RALYL: variants seen among roughly 807,000 people sequenced by gnomAD.
RALYL encodes the protein RNA-binding Raly-like protein.
In RALYL, 29 loss-of-function variants were observed where a neutral mutation model predicts 35.1. The observed-to-expected ratio is 0.83, with a 90% CI of 0.61 to 1.13. The LOEUF (loss-of-function observed/expected upper bound fraction) is 1.13. Ranked by LOEUF, RALYL falls within the 50% of genes most tolerant of loss-of-function variation. RALYL has a pLI of 0.00. For synonymous variants in RALYL, 120 were observed against 127.6 expected (o/e 0.94, Z 0.40); for missense variants, 359 against 360.4 (o/e 1.00, Z 0.03).
At chr8:84,512,503 T>C (rs993507918) in intron 1 of RALYL, among the ~76,000 whole-genome samples, 5 of 152,154 alleles carry the variant, frequency 3.3e-5, no homozygotes, top group South Asian at 2.1e-4. Flanking sequence ...CTGTTAATTG[T>C]TTCCTTTACT....
At chr8:84,809,666 G>T (rs931439157) in intron 4 of RALYL, among the ~76,000 whole-genome samples, 6 of 151,982 alleles carry the variant, frequency 3.9e-5, no homozygotes, top group South Asian at 4.1e-4. Context: ...CCTGCTTGTT[G>T]TTGGTCTGTT....
chr8:84,326,066 C>A (rs1054567385), intron 1 of RALYL, among the ~76,000 whole-genome samples: 2 of 152,106 alleles, frequency 1.3e-5, no homozygotes, highest in Non-Finnish European at 2.9e-5. Context: ...GAGCTGAGAT[C>A]CTGCCACTGT....
chr8:84,575,586 G>T (rs1051919461), intron 2 of RALYL, among the ~76,000 whole-genome samples: 1 of 152,170 alleles, frequency 6.6e-6, no homozygotes, highest in African/African-American at 2.4e-5. Flanking sequence ...ACACAGCAAA[G>T]GCTCATTCTT....
chr8:84,880,161 G>T (rs1841928481), intron 7 of RALYL, among the ~76,000 whole-genome samples: 1 of 152,038 alleles, frequency 6.6e-6, no homozygotes, highest in South Asian at 2.1e-4. Context: ...CTTATTCAAT[G>T]ATAACATGTC....
chr8:84,343,577 A>G (rs1849261986), intron 1 of RALYL, among the ~76,000 whole-genome samples: 1 of 152,042 alleles, frequency 6.6e-6, no homozygotes, highest in African/African-American at 2.4e-5. Context: ...TTTCAGGAAG[A>G]AGCACAGATA....
rs559520113 is a variant in RALYL, at chr8:84,604,877, A to G, written c.256+75300A>G. 5.3e-5 allele frequency among the ~76,000 whole-genome samples: 8 copies of G among 152,268 alleles called. No individual in the cohort carries two copies. The South Asian group carries it at 1.7e-3, about 32-fold the overall frequency. On this transcript the variant is annotated intron_variant, in intron 2 of 8. Transcript: ENST00000521268. ...AAACAGTTGAGTGCAACAAATGTAT[A>G]AAAGCAGAATGGTAAATCTTTGAAA...
intron 2 of RALYL, among the ~76,000 whole-genome samples, chr8:84,547,762 T>A (rs1243236802): frequency 6.6e-6 from 1 of 152,196 alleles, no homozygotes; most frequent in Non-Finnish European, 1.5e-5. Context: ...TGGGATAATA[T>A]GCCACAATTT....
chr8:84,269,795 G>A (rs1380195653), intron 1 of RALYL, among the ~76,000 whole-genome samples: 7 of 151,698 alleles, frequency 4.6e-5, no homozygotes, highest in African/African-American at 1.2e-4. Context: ...TAATATTGTG[G>A]ATCATAGGAA....
chr8:84,377,459 T>TTTGTTTGTTTGTTTGTTTG (rs1563816312), intron 1 of RALYL, among the ~76,000 whole-genome samples: 24 of 139,932 alleles, frequency 1.7e-4, no homozygotes, highest in African/African-American at 7.0e-4. Flanking sequence ...CTGTTTTTTT[T>TTTGTTTGTTTGTTTGTTTG]TTTTTTTTTT....
intron 8 of RALYL, among the ~76,000 whole-genome samples, chr8:84,888,974 T>C (rs2135437248): frequency 6.6e-6 from 1 of 152,272 alleles, no homozygotes; most frequent in East Asian, 1.9e-4. Flanking sequence ...GGTCTCAAAC[T>C]CCTGACCTCA....
intron 2 of RALYL, among the ~76,000 whole-genome samples, chr8:84,647,295 C>T (rs1458534661): frequency 1.3e-5 from 2 of 152,052 alleles, no homozygotes; most frequent in African/African-American, 2.4e-5. Context: ...GAGGTGTAAG[C>T]ATCTCTGGCA....
At chr8:84,839,127 C>G (rs1257871546) in intron 4 of RALYL, among the ~76,000 whole-genome samples, 1 of 152,158 alleles carries the variant, frequency 6.6e-6, no homozygotes, top group African/African-American at 2.4e-5. Flanking sequence ...GGGTGCAGGA[C>G]AGTGAGTGCA....
intron 2 of RALYL, among the ~76,000 whole-genome samples, chr8:84,700,580 C>T (rs1355901667): frequency 6.6e-6 from 1 of 152,040 alleles, no homozygotes; most frequent in Non-Finnish European, 1.5e-5. Context: ...GAACCAATAC[C>T]ACAAATGAAA....
intron 2 of RALYL, among the ~76,000 whole-genome samples, chr8:84,690,480 G>A (rs1564380763): frequency 6.6e-6 from 1 of 152,118 alleles, no homozygotes. Context: ...GCTATAGCTA[G>A]TGCTGGGAGA....
intron 1 of RALYL, among the ~76,000 whole-genome samples, chr8:84,277,648 G>A (rs1835680918): frequency 6.6e-6 from 1 of 152,200 alleles, no homozygotes; most frequent in Admixed American, 6.5e-5. Context: ...GATTCAGTGG[G>A]GGTACAGGCA....
chr8:84,740,108 T>C (rs1848011474), intron 2 of RALYL, among the ~76,000 whole-genome samples: 1 of 151,992 alleles, frequency 6.6e-6, no homozygotes, highest in Non-Finnish European at 1.5e-5. Flanking sequence ...GACATGCTAA[T>C]ACTTATGAAC....
intron 1 of RALYL, among the ~76,000 whole-genome samples, chr8:84,224,770 C>T (rs2131353507): frequency 6.6e-6 from 1 of 152,080 alleles, no homozygotes; most frequent in Non-Finnish European, 1.5e-5. Flanking sequence ...AATTCTCCTG[C>T]CTCAGCCTCC....
chr8:84,193,600 A>C (rs1208694032), intron 1 of RALYL, among the ~76,000 whole-genome samples: 1 of 152,218 alleles, frequency 6.6e-6, no homozygotes, highest in Non-Finnish European at 1.5e-5. Context: ...CAGTCTTCTC[A>C]GATAATTGTA....
chr8:84,737,262 A>C (rs1365901967), intron 2 of RALYL, among the ~76,000 whole-genome samples: 3 of 152,100 alleles, frequency 2.0e-5, no homozygotes, highest in African/African-American at 7.2e-5. Flanking sequence ...ATTTTGTTGC[A>C]GTAAAACTAA....
Sources: gnomAD v4.1 joint callset for allele counts (sites outside exome capture counted in the v4.1 genomes callset) on GRCh38, gnomAD v4.1.1 for gene constraint, MANE v1.5 for transcripts, NCBI Gene and HGNC (gene_info 2026-07-23, HGNC 2026-07-21) for gene names.